Variants in CLASP1 observed in about 807,000 individuals in gnomAD.
The protein encoded by CLASP1 is CLIP-associating protein 1.
Under a neutral mutation model 192.3 loss-of-function variants are expected in CLASP1, and 38 were observed. That is an observed-to-expected ratio of 0.20 (90% CI 0.15 to 0.26). The LOEUF (loss-of-function observed/expected upper bound fraction) is 0.26. CLASP1 is among the 10% of genes least tolerant of loss of function. The pLI is 1.00. For missense variants in CLASP1, 1,433 were observed against 1,932.5 expected (o/e 0.74, Z 4.85); for synonymous variants, 691 against 712.8 (o/e 0.97, Z 0.49).
At chr2:121,629,246 C>T (rs1054605099) in intron 1 of CLASP1, among the ~76,000 whole-genome samples, 1 of 151,966 alleles carries the variant, frequency 6.6e-6, no homozygotes, top group South Asian at 2.1e-4. Context: ...AAAAATTAGC[C>T]TGGCATGGTG....
intron 5 of CLASP1, among the ~76,000 whole-genome samples, chr2:121,526,662 TTA>T (rs1350415247): frequency 6.6e-6 from 1 of 152,092 alleles, no homozygotes; most frequent in African/African-American, 2.4e-5. Flanking sequence ...AATATAAACA[TTA>T]TAATCTCAAT....
intron 30 of CLASP1, among the ~76,000 whole-genome samples, chr2:121,389,175 T>C (rs940553095): frequency 2.0e-5 from 3 of 152,140 alleles, no homozygotes; most frequent in African/African-American, 7.2e-5. Flanking sequence ...TTAATCACAG[T>C]ATTGGGCAAA....
At chr2:121,471,347 A>G (rs1161242633) in intron 8 of CLASP1, among the ~76,000 whole-genome samples, 1 of 152,200 alleles carries the variant, frequency 6.6e-6, no homozygotes, top group African/African-American at 2.4e-5. Flanking sequence ...TTAATGATGC[A>G]AAATTAAAGT....
intron 2 of CLASP1, among the ~76,000 whole-genome samples, chr2:121,535,290 T>A (rs1299642629): frequency 6.6e-6 from 1 of 152,026 alleles, no homozygotes; most frequent in Non-Finnish European, 1.5e-5. Context: ...TCTCAATAAA[T>A]AAATTAATTA....
At chr2:121,338,765 G>A (rs375711652) in exon 40 of CLASP1, 13 of 152,138 alleles carry the variant, frequency 8.5e-5, no homozygotes, top group African/African-American at 2.4e-4. Flanking sequence ...AGCAATGTTC[G>A]AGATCCTTTC....
At chr2:121,559,447 C>T (rs918191974) in intron 2 of CLASP1, among the ~76,000 whole-genome samples, 4 of 151,970 alleles carry the variant, frequency 2.6e-5, no homozygotes, top group African/African-American at 7.3e-5. Flanking sequence ...ACATAATATC[C>T]AACAACTGAC....
intron 32 of CLASP1, 76 bp from the exon 34 acceptor site, chr2:121,382,400 C>T (rs1002965844): frequency 1.8e-5 from 15 of 832,488 alleles, no homozygotes; most frequent in Non-Finnish European, 2.8e-5. Context: ...AAGCACTACA[C>T]ACTAAGTGTC....
chr2:121,551,017 C>T (rs1255885067), intron 2 of CLASP1, among the ~76,000 whole-genome samples: 1 of 152,184 alleles, frequency 6.6e-6, no homozygotes, highest in Admixed American at 6.5e-5. Context: ...AAAGCTAATT[C>T]ACTATGATCA....
At chr2:121,485,776 C>T (rs1321526904) in intron 8 of CLASP1, among the ~76,000 whole-genome samples, 1 of 151,982 alleles carries the variant, frequency 6.6e-6, no homozygotes, top group Non-Finnish European at 1.5e-5. Context: ...CATGGTCCAC[C>T]ACACCAGCTC....
At position 121,461,181 on chromosome 2, in the gene CLASP1, G is replaced by T. The variant is rs748650358; in HGVS notation, c.952C>A (p.Arg318=). 3 of 1,588,186 alleles carry T rather than the reference G, an allele frequency of 1.9e-6. No homozygotes were observed. The East Asian group carries it at 6.8e-5, about 36-fold the overall frequency. The change falls in exon 11 of 40, where the codon CGA becomes AGA. Residue 318 remains arginine (R), a synonymous_variant. Transcript: ENST00000263710. The stretch of plus-strand genomic sequence containing the variant: ...TTGTTTATGGATTCCTCAAGGTCTC[G>T]GCTGGAATAAATCTGTAAGCAAAAT...
chr2:121,610,452 G>A (rs535634344), intron 1 of CLASP1, among the ~76,000 whole-genome samples: 1 of 147,742 alleles, frequency 6.8e-6, no homozygotes, highest in Admixed American at 6.8e-5. Flanking sequence ...AGGAGGAAGA[G>A]GAACTAGAGG....
intron 2 of CLASP1, among the ~76,000 whole-genome samples, chr2:121,581,239 C>T (rs1344923648): frequency 6.8e-6 from 1 of 147,518 alleles, no homozygotes; most frequent in African/African-American, 2.6e-5. Flanking sequence ...CGTTTCTCTG[C>T]CTCCCAAAAG....
At chr2:121,644,308 T>C (rs1468191846) in intron 1 of CLASP1, among the ~76,000 whole-genome samples, 6 of 151,314 alleles carry the variant, frequency 4.0e-5, no homozygotes, top group Admixed American at 2.0e-4. Flanking sequence ...GGTCAGGTCA[T>C]ATCTTCTGTT....
chr2:121,432,164 GAGTGC>G (rs2081547176), intron 19 of CLASP1, among the ~76,000 whole-genome samples: 1 of 152,070 alleles, frequency 6.6e-6, no homozygotes, highest in Non-Finnish European at 1.5e-5. Context: ...GCCCATGCTG[GAGTGC>G]AGTGGTGTGT....
At chr2:121,611,308 A>G (rs1482655825) in intron 1 of CLASP1, among the ~76,000 whole-genome samples, 51 of 65,354 alleles carry the variant, frequency 7.8e-4, no homozygotes, top group East Asian at 3.6e-3. Context: ...GTTACAGGAG[A>G]AAGAGGAACT....
intron 7 of CLASP1, among the ~76,000 whole-genome samples, chr2:121,504,485 T>C (rs975300317): frequency 2.0e-5 from 3 of 152,204 alleles, no homozygotes; most frequent in African/African-American, 7.2e-5. Flanking sequence ...ATGTATGCCA[T>C]GCAGACACTC....
intron 1 of CLASP1, among the ~76,000 whole-genome samples, chr2:121,611,289 G>A: frequency 7.4e-6 from 1 of 135,298 alleles, no homozygotes; most frequent in Non-Finnish European, 1.6e-5. Context: ...AGGAGGAGGA[G>A]TTGGAGGAGT....
At chr2:121,613,620 CTT>C (rs144039341) in intron 1 of CLASP1, among the ~76,000 whole-genome samples, 21 of 70,680 alleles carry the variant, frequency 3.0e-4, no homozygotes, top group Middle Eastern at 0.01. Context: ...TGCACAAAGC[CTT>C]TTTTTTTAAA....
chr2:121,636,713 T>A (rs1473331051), intron 1 of CLASP1, among the ~76,000 whole-genome samples: 1 of 152,118 alleles, frequency 6.6e-6, no homozygotes, highest in Admixed American at 6.6e-5. Context: ...ATTTCAGACA[T>A]CCATAAAATG....
Sources: allele counts gnomAD v4.1 joint callset (sites outside exome capture counted in the v4.1 genomes callset), GRCh38; gene constraint gnomAD v4.1.1; transcripts MANE v1.5; gene names NCBI Gene and HGNC (gene_info 2026-07-23, HGNC 2026-07-21).